Variants in LPAR1 observed in about 807,000 individuals in gnomAD.
LPAR1 encodes lysophosphatidic acid receptor 1.
A neutral mutation model predicts 23.8 loss-of-function variants in LPAR1; 5 were observed. The ratio of observed to expected loss-of-function variants is 0.21; its 90% CI spans 0.11 to 0.44. The LOEUF is 0.44. LPAR1 is among the 20% of genes least tolerant of loss of function. The pLI is 0.99. For missense variants in LPAR1, 311 were observed against 482.8 expected, an observed-to-expected ratio of 0.64 and a Z score of 3.33; for synonymous variants, 160 against 164.7, an observed-to-expected ratio of 0.97 and a Z score of 0.22.
At chr9:110,877,104 A>T (rs2079315355) in intron 5 of LPAR1, among the ~76,000 whole-genome samples, 1 of 152,220 alleles carries the variant, frequency 6.6e-6, no homozygotes, top group South Asian at 2.1e-4. Context: ...GCTTTGGTGG[A>T]TGCAGGCTTG....
intron 5 of LPAR1, among the ~76,000 whole-genome samples, chr9:110,876,249 T>C (rs1039085433): frequency 2.5e-4 from 38 of 152,236 alleles, no homozygotes; most frequent in African/African-American, 5.8e-4. Context: ...CAGATGATTA[T>C]ATTTACACCT....
intron 2 of LPAR1, among the ~76,000 whole-genome samples, chr9:111,035,350 T>G (rs1025314057): frequency 2.0e-5 from 3 of 151,882 alleles, no homozygotes; most frequent in Admixed American, 6.6e-5. Context: ...GCCTCCCAAG[T>G]AGCTGAGACT....
chr9:110,932,486 T>C lies in LPAR1; in HGVS notation c.793+8935A>G, dbSNP rs185331690. On this transcript the variant is annotated intron_variant, in intron 5 of 5. Transcript: ENST00000683809. ...ACCCAGCCATTCGTCATTTCTTCCA[T>C]ACATGCCAGACATGGCCCTTCACTG... 1.8e-3 allele frequency among the ~76,000 whole-genome samples: 280 copies of C among 152,370 alleles called. 2 individuals carry two copies. The highest frequency in any genetic ancestry group is 6.6e-3 in the African/African-American group (274 of 41,592).
At chr9:110,946,667 G>T (rs1397466596) in intron 4 of LPAR1, among the ~76,000 whole-genome samples, 2 of 150,244 alleles carry the variant, frequency 1.3e-5, no homozygotes, top group African/African-American at 4.9e-5. Context: ...CTTGAGAAAA[G>T]AAAAAAATAA....
rs1318191246 is a variant in LPAR1 at position 110,928,552 on chromosome 9, TAAAC to T, written c.793+12865_793+12868del. Among the ~76,000 whole-genome samples the T allele has an allele frequency of 1.3e-5, 2 of 152,194 alleles. 1 individual carries two copies. ...TCTAGAACATTAGAATTTGCCAAATTAAACAAAGCCAGTGCTCTAATCTCTACCG... is the reference window on the plus strand; with the variant it reads ...TCTAGAACATTAGAATTTGCCAAATTAAAGCCAGTGCTCTAATCTCTACCG... On this transcript the variant is annotated intron_variant, in intron 5 of 5. Transcript: ENST00000683809.
At chr9:110,969,402 C>T (rs1364447372) in intron 4 of LPAR1, among the ~76,000 whole-genome samples, 1 of 151,944 alleles carries the variant, frequency 6.6e-6, no homozygotes, top group Non-Finnish European at 1.5e-5. Context: ...GCTGTGTAGA[C>T]ATCCTCATTT....
At chr9:110,953,886 A>G (rs1407083759) in intron 4 of LPAR1, among the ~76,000 whole-genome samples, 1 of 152,164 alleles carries the variant, frequency 6.6e-6, no homozygotes, top group East Asian at 1.9e-4. Context: ...ACATGCGAAC[A>G]AAAGAAACAC....
intron 5 of LPAR1, among the ~76,000 whole-genome samples, chr9:110,935,794 T>A (rs576276876): frequency 1.3e-5 from 2 of 152,346 alleles, no homozygotes; most frequent in Non-Finnish European, 2.9e-5. Context: ...ATGTGAGGAC[T>A]CTGCCTATAA....
At chr9:110,985,217 C>T (rs965783793) in intron 2 of LPAR1, among the ~76,000 whole-genome samples, 2 of 152,074 alleles carry the variant, frequency 1.3e-5, no homozygotes, top group Admixed American at 6.6e-5. Flanking sequence ...CCATCGCCAC[C>T]TGTGGCTACA....
intron 2 of LPAR1, among the ~76,000 whole-genome samples, chr9:111,033,311 C>T (rs2097836496): frequency 6.6e-6 from 1 of 152,182 alleles, no homozygotes; most frequent in South Asian, 2.1e-4. Context: ...TAAAAAATGC[C>T]AAAGAGTTTA....
intron 5 of LPAR1, among the ~76,000 whole-genome samples, chr9:110,886,093 G>A (rs1210926651): frequency 6.6e-6 from 1 of 151,990 alleles, no homozygotes; most frequent in African/African-American, 2.4e-5. Flanking sequence ...AGCCACTCCG[G>A]AGTCTACGGC....
chr9:110,932,672 TGCCA>T (rs1473984479), intron 5 of LPAR1, among the ~76,000 whole-genome samples: 2 of 152,246 alleles, frequency 1.3e-5, no homozygotes, highest in Non-Finnish European at 2.9e-5. Flanking sequence ...CTCTGCCTCC[TGCCA>T]GATCAGTGGC....
At position 110,896,306 on chromosome 9, in the gene LPAR1, C is replaced by A. The variant is rs146418589; in HGVS notation, c.794-20584G>T. On this transcript the variant is annotated intron_variant, in intron 5 of 5. Transcript: ENST00000683809. ...TCAGACTCCTGCTATTTATTCAGGT[C>A]ATTTGTGGCCTTTTGATTTTTAACT... Among the ~76,000 whole-genome samples the A allele has an allele frequency of 4.2e-3, 636 of 152,240 alleles. 7 individuals are homozygous for A. Among genetic ancestry groups the A allele is most frequent in the South Asian group, 0.014 (69 of 4,824 alleles).
intron 4 of LPAR1, among the ~76,000 whole-genome samples, chr9:110,949,640 A>C (rs968029586): frequency 3.3e-5 from 5 of 152,218 alleles, no homozygotes; most frequent in African/African-American, 1.2e-4. Context: ...CCCCATAAGA[A>C]GCCAGTAGAA....
At chr9:110,956,762 C>T (rs1382125484) in intron 4 of LPAR1, among the ~76,000 whole-genome samples, 1 of 151,770 alleles carries the variant, frequency 6.6e-6, no homozygotes, top group Non-Finnish European at 1.5e-5. Context: ...CTAAACAGAC[C>T]AACAATGAAT....
chr9:111,008,596 G>A (rs1490714292), intron 2 of LPAR1, among the ~76,000 whole-genome samples: 1 of 152,128 alleles, frequency 6.6e-6, no homozygotes, highest in Non-Finnish European at 1.5e-5. Context: ...ACCCTTAACA[G>A]CTGAACTAAT....
chr9:110,922,034 G>A (rs1210230939), intron 5 of LPAR1, among the ~76,000 whole-genome samples: 3 of 152,142 alleles, frequency 2.0e-5, no homozygotes, highest in Non-Finnish European at 4.4e-5. Flanking sequence ...TGCAGAGAGC[G>A]GACCTGAGCA....
At chr9:111,017,644 A>C (rs887836793) in intron 2 of LPAR1, among the ~76,000 whole-genome samples, 3 of 152,226 alleles carry the variant, frequency 2.0e-5, no homozygotes, top group African/African-American at 7.2e-5. Flanking sequence ...CACTTGCTCC[A>C]TTTTCTAGTA....
At chr9:110,945,868 C>A (rs1244221665) in intron 4 of LPAR1, among the ~76,000 whole-genome samples, 1 of 152,148 alleles carries the variant, frequency 6.6e-6, no homozygotes, top group African/African-American at 2.4e-5. Flanking sequence ...TTCTTTCTCA[C>A]TCTACCACAT....
Sources: gnomAD v4.1 joint callset for allele counts (sites outside exome capture counted in the v4.1 genomes callset) on GRCh38, gnomAD v4.1.1 for gene constraint, MANE v1.5 for transcripts, NCBI Gene and HGNC (gene_info 2026-07-23, HGNC 2026-07-21) for gene names.